The following GLIS3 variants were observed in gnomAD, a reference collection of about 807,000 sequenced individuals.
GLIS3 encodes the protein zinc finger protein GLIS3.
GLIS3 carries 53 observed loss-of-function variants against 78.6 expected under a neutral mutation model. That is an observed-to-expected ratio of 0.67 (90% CI 0.54 to 0.85). GLIS3 has a LOEUF of 0.85. Among genes scored for constraint, GLIS3 ranks in the 40% least tolerant of loss-of-function variants. The probability of loss-of-function intolerance (pLI) is 0.00; values close to 1 mark genes in which losing one functional copy is unlikely to be tolerated. For synonymous variants in GLIS3, 684 were observed against 509.9 expected, an observed-to-expected ratio of 1.34 and a Z score of -4.60; for missense variants, 1,703 against 1,231.1, an observed-to-expected ratio of 1.38 and a Z score of -5.74.
chr9:3,931,098 A>G (rs1825582063), intron 6 of GLIS3, among the ~76,000 whole-genome samples: 1 of 152,216 alleles, frequency 6.6e-6, no homozygotes, highest in Non-Finnish European at 1.5e-5. Flanking sequence ...TTCCAATTAA[A>G]GAAATTTAAC....
intron 2 of GLIS3, among the ~76,000 whole-genome samples, chr9:4,324,099 C>T (rs910202583): frequency 1.3e-5 from 2 of 152,170 alleles, no homozygotes; most frequent in Non-Finnish European, 2.9e-5. Context: ...GCCATCTCAA[C>T]CCTATGTAAC....
At chr9:4,418,698 CA>C in the GLIS3 span, among the ~76,000 whole-genome samples, 1 of 151,212 alleles carries the variant, frequency 6.6e-6, no homozygotes, top group Non-Finnish European at 1.5e-5. Context: ...GAGTCCATCT[CA>C]AAAAACAAAC....
chr9:4,227,052 T>G (rs1279946231), intron 2 of GLIS3, among the ~76,000 whole-genome samples: 2 of 152,172 alleles, frequency 1.3e-5, no homozygotes, highest in Non-Finnish European at 2.9e-5. Flanking sequence ...GGAAGCCTGG[T>G]GCAGGGAGCG....
chr9:4,459,252 T>C, the GLIS3 span, among the ~76,000 whole-genome samples: 1 of 152,184 alleles, frequency 6.6e-6, no homozygotes, highest in African/African-American at 2.4e-5. Flanking sequence ...GTCAGCATTA[T>C]ATGCTGAAGT....
intron 6 of GLIS3, among the ~76,000 whole-genome samples, chr9:3,921,002 T>A (rs1462976746): frequency 2.0e-5 from 3 of 152,210 alleles, no homozygotes; most frequent in African/African-American, 7.2e-5. Flanking sequence ...TTTATCCTTT[T>A]TACCACCAAA....
chr9:4,077,061 A>G (rs1219652689), intron 4 of GLIS3, among the ~76,000 whole-genome samples: 1 of 151,402 alleles, frequency 6.6e-6, no homozygotes, highest in East Asian at 1.9e-4. Flanking sequence ...CTTGTCTAAA[A>G]AAACAATAAC....
intron 6 of GLIS3, among the ~76,000 whole-genome samples, chr9:3,921,114 C>A (rs772480613): frequency 6.6e-6 from 1 of 152,202 alleles, no homozygotes. Flanking sequence ...ACAGTGGTGT[C>A]ATGCATTATT....
At chr9:4,483,014 C>G in the GLIS3 span, among the ~76,000 whole-genome samples, 1 of 152,192 alleles carries the variant, frequency 6.6e-6, no homozygotes, top group African/African-American at 2.4e-5. Flanking sequence ...CTTTTTCTTC[C>G]AGGAGCTGAG....
At chr9:4,258,018 A>T (rs983288027) in intron 2 of GLIS3, among the ~76,000 whole-genome samples, 1 of 152,226 alleles carries the variant, frequency 6.6e-6, no homozygotes, top group African/African-American at 2.4e-5. Context: ...ACACAATTCA[A>T]AACAATACTG....
chr9:4,284,366 T>C (rs189068022), intron 2 of GLIS3, among the ~76,000 whole-genome samples: 32 of 152,266 alleles, frequency 2.1e-4, no homozygotes, highest in Non-Finnish European at 3.8e-4. Context: ...AAAAGCAAGC[T>C]ACGGTTCACT....
At chr9:4,068,864 T>C (rs147852315) in intron 4 of GLIS3, among the ~76,000 whole-genome samples, 1,626 of 152,042 alleles carry the variant, frequency 0.011, 8 homozygotes, top group Non-Finnish European at 0.014. Flanking sequence ...GTGTTTAATA[T>C]GTCTATTCAA....
intron 2 of GLIS3, among the ~76,000 whole-genome samples, chr9:4,236,164 A>G (rs1822715512): frequency 1.5e-5 from 2 of 136,096 alleles, no homozygotes; most frequent in South Asian, 5.2e-4. Flanking sequence ...CACAGCTAGG[A>G]AAACTTGACG....
chr9:4,065,483 T>C (rs891949486), intron 4 of GLIS3, among the ~76,000 whole-genome samples: 8 of 152,236 alleles, frequency 5.3e-5, no homozygotes, highest in Non-Finnish European at 8.8e-5. Context: ...ATTCAAAATT[T>C]AATATCAAAT....
chr9:4,144,269 C>T (rs1047286224), intron 2 of GLIS3, among the ~76,000 whole-genome samples: 1 of 152,142 alleles, frequency 6.6e-6, no homozygotes, highest in Non-Finnish European at 1.5e-5. Context: ...TCAGCTCAAC[C>T]GACTTGTTTT....
At chr9:4,177,490 G>A (rs995270918) in intron 2 of GLIS3, among the ~76,000 whole-genome samples, 1 of 152,180 alleles carries the variant, frequency 6.6e-6, no homozygotes, top group Non-Finnish European at 1.5e-5. Context: ...AGGTGAAGGT[G>A]CTGGAGCTGA....
At position 3,999,962 on chromosome 9, in the gene GLIS3, G is replaced by A. The variant is rs1821016553; in HGVS notation, c.1711-62773C>T. ...AACAGAACCATTAATATACGAAAAA[G>A]GTATAAAAGGGTGATTTCTCTCCAA... On this transcript the variant is annotated intron_variant, in intron 4 of 10. Transcript: ENST00000381971. Among the ~76,000 whole-genome samples, 5 of 152,144 alleles carry A rather than the reference G, an allele frequency of 3.3e-5. No individual in the cohort carries two copies. In the South Asian group the frequency reaches 8.3e-4, roughly 25 times the overall value.
chr9:4,420,462 G>A, the GLIS3 span, among the ~76,000 whole-genome samples: 1 of 152,218 alleles, frequency 6.6e-6, no homozygotes, highest in East Asian at 1.9e-4. Context: ...GTAAGGTGCT[G>A]TGATCCAAGG....
chr9:4,331,097 A>G (rs1012507883), intron 2 of GLIS3, among the ~76,000 whole-genome samples: 1 of 150,288 alleles, frequency 6.7e-6, no homozygotes, highest in Non-Finnish European at 1.5e-5. Flanking sequence ...ATGATTTAAA[A>G]CAACAGAAAT....
the GLIS3 span, among the ~76,000 whole-genome samples, chr9:4,375,632 C>T: frequency 2.6e-5 from 4 of 152,308 alleles, no homozygotes; most frequent in South Asian, 2.1e-4. Context: ...TAGAACTACA[C>T]GTCCCTCCTT....
Sources: allele counts gnomAD v4.1 joint callset (sites outside exome capture counted in the v4.1 genomes callset), GRCh38; gene constraint gnomAD v4.1.1; transcripts MANE v1.5; gene names NCBI Gene and HGNC (gene_info 2026-07-23, HGNC 2026-07-21).